The following NKX2-5 variants were observed in gnomAD, a reference collection of about 807,000 sequenced individuals.
NKX2-5 encodes the protein homeobox protein Nkx-2.5.
Under a neutral mutation model 24.5 loss-of-function variants are expected in NKX2-5, and 3 were observed. That is an observed-to-expected ratio of 0.12 (90% CI 0.06 to 0.32). The LOEUF (loss-of-function observed/expected upper bound fraction) is 0.32. Among genes scored for constraint, NKX2-5 ranks in the 10% least tolerant of loss-of-function variants. The pLI is 1.00. For synonymous variants in NKX2-5, 215 were observed against 217.6 expected (o/e 0.99, Z 0.11); for missense variants, 429 against 452.4 (o/e 0.95, Z 0.47).
Position 173,233,528 on chromosome 5 carries a change from A to T in NKX2-5, c.335-319T>A, listed in dbSNP as rs762333634. 2.2e-3 allele frequency: 1,960 copies of T among 897,380 alleles called. 31 individuals are homozygous for T. Among genetic ancestry groups the T allele is most frequent in the Middle Eastern group, 3.3e-3 (10 of 3,066 alleles). The allele number at this position is 897,380 out of a possible 1,614,324, so 55.6% of individuals were successfully genotyped here. On this transcript the variant is annotated intron_variant, in intron 1 of 1. Coordinates refer to ENST00000329198, the MANE Select transcript of NKX2-5 (RefSeq NM_004387.4). ...TGCAAAAAAAAAAAAAATAAATAAA[A>T]AAATAAAAAAATAAAAATAAAACCA...
intron 1 of NKX2-5, chr5:173,233,520 T>TAA (rs766931455): frequency 1.8e-5 from 9 of 494,420 alleles, no homozygotes; most frequent in African/African-American, 1.6e-4. Flanking sequence ...AAAAAAAAAA[T>TAA]AAATAAAAAA....
At position 173,234,786 on chromosome 5, in the gene NKX2-5, G is replaced by C. The variant is rs550046293; in HGVS notation, c.298C>G (p.Pro100Ala). ...PAFYPRAYSD[P>A]DPAKDPRAEK... ...GCTCTAGGGTCCTTGGCTGGGTCGG[G>C]GTCGCTGTAGGCACGTGGATAGAAG... Residue 100 changes from proline (P) to alanine (A), a missense_variant, in exon 1 of 2, where the codon CCC becomes GCC. By Grantham distance (27) the Pro-to-Ala change is conservative (BLOSUM62 -1). Coordinates refer to ENST00000329198, the MANE Select transcript of NKX2-5 (RefSeq NM_004387.4). 5.8e-5 allele frequency: 91 copies of C among 1,570,500 alleles called. 3 individuals are homozygous for C. The South Asian group carries it at 9.0e-4, about 16-fold the overall frequency.
chr5:173,235,001 G>A lies in NKX2-5; in HGVS notation c.83C>T (p.Ala28Val). The A allele has an allele frequency of 6.2e-7, 1 of 1,612,234 alleles. No homozygotes were observed. The highest frequency in any genetic ancestry group is 8.5e-7 in the Non-Finnish European group (1 of 1,179,618). Reference protein sequence around the residue: ...LNLEQQQRSLAAAGELSARLE... With the variant: ...LNLEQQQRSLVAAGELSARLE... ...GCGGGCAGAGAGCTCTCCGGCGGCAGCCAGGCTGCGCTGCTGCTGTTCCAG... is the reference window on the plus strand; with the variant it reads ...GCGGGCAGAGAGCTCTCCGGCGGCAACCAGGCTGCGCTGCTGCTGTTCCAG... Residue 28 changes from alanine to valine, a missense_variant, in exon 1 of 2, where the codon GCT becomes GTT. Coordinates refer to ENST00000329198, the MANE Select transcript of NKX2-5 (RefSeq NM_004387.4).
chr5:173,233,499 A>C, intron 1 of NKX2-5: 4 of 862,330 alleles, frequency 4.6e-6, no homozygotes, highest in Non-Finnish European at 7.1e-6. Context: ...TTAAAATTTC[A>C]GGCTGCAAAA....
In NKX2-5 at chr5:173,234,820, G is replaced by A; in HGVS notation, c.264C>T (p.Ala88=). The A allele has an allele frequency of 1.3e-6, 2 of 1,584,904 alleles. No homozygotes were observed. The highest frequency in any genetic ancestry group is 1.7e-6 in the Non-Finnish European group (2 of 1,167,462). The stretch of plus-strand genomic sequence containing the variant: ...AGGCACGTGGATAGAAGGCGGGGGC[G>A]GCGGGAAAGGCAGACGCACACTTGG... ...SPAKCASAFP[A]APAFYPRAYS... Residue 88 remains alanine, a synonymous_variant, in exon 1 of 2, where the codon GCC becomes GCT. Transcript: ENST00000329198.
At position 173,232,918 on chromosome 5, in the gene NKX2-5, G is replaced by C. The variant is rs1267723705; in HGVS notation, c.626C>G (p.Pro209Arg). ...DQTLELVGLP[P>R]PPPPPARRIA... ...CCTGCGGGCAGGCGGCGGCGGCGGC[G>C]GGGGCAGCCCCACCAGCTCCAGAGT... is the stretch of plus-strand genomic sequence containing the variant. Residue 209 changes from proline (P) to arginine (R), a missense_variant, in exon 2 of 2, where the codon CCG (proline) becomes CGG (arginine). Around this residue, in one of 3 missense-constraint regions of NKX2-5, gnomAD observed 183 missense variants for 185.9 expected, o/e 0.98. Coordinates refer to ENST00000329198, the MANE Select transcript of NKX2-5 (RefSeq NM_004387.4). This position sits in a 1 kb window ranked among gnomAD's most constrained non-coding sequence, Gnocchi z 5.9. 6 of 1,603,710 alleles carry C rather than the reference G, an allele frequency of 3.7e-6. No individual in the cohort carries two copies. The highest frequency in any genetic ancestry group is 4.3e-6 in the Non-Finnish European group (5 of 1,176,030).
At chr5:173,233,533 A>T (rs1561620345) in intron 1 of NKX2-5, 2 of 949,722 alleles carry the variant, frequency 2.1e-6, no homozygotes, top group Non-Finnish European at 3.1e-6. Flanking sequence ...ATAAAAAAAT[A>T]AAAAAATAAA....
chr5:173,232,955 G>C lies in NKX2-5; in HGVS notation c.589C>G (p.Arg197Gly). Residue 197 changes from arginine (R) to glycine (G), a missense_variant, in exon 2 of 2, where the codon CGG (arginine) becomes GGG (glycine). This residue lies in a region of NKX2-5 where 183 missense variants were observed against 185.9 expected (regional missense o/e 0.98). Transcript: ENST00000329198. This position sits in a 1 kb window ranked among gnomAD's most constrained non-coding sequence, Gnocchi z 5.9. ...ACCAGCTCCAGAGTCTGGTCCTGCC[G>C]CTGCCGCTTGCACTTGTAGCGCCGG... is the stretch of plus-strand genomic sequence containing the variant. ...QNRRYKCKRQ[R>G]QDQTLELVGL... 6.2e-7 allele frequency: 1 copy of C among 1,608,508 alleles called. No homozygotes were observed. Among genetic ancestry groups the C allele is most frequent in the Non-Finnish European group, 8.5e-7 (1 of 1,178,020 alleles).
chr5:173,233,932 C>G (rs146023623), intron 1 of NKX2-5: 3 of 1,185,220 alleles, frequency 2.5e-6, no homozygotes, highest in Non-Finnish European at 3.2e-6. Flanking sequence ...TGCGGCCTCC[C>G]GGGAATCGCC....
At chr5:173,233,440 C>A (rs2113902819) in intron 1 of NKX2-5, 1 of 1,530,784 alleles carries the variant, frequency 6.5e-7, no homozygotes, top group Admixed American at 2.0e-5. Context: ...AACGGGAGGT[C>A]TCTGCCCTCG....
In NKX2-5 at chr5:173,234,993, C is replaced by G; in HGVS notation, c.91G>C (p.Gly31Arg). The G allele has an allele frequency of 6.2e-7, 1 of 1,612,120 alleles. No individual in the cohort carries two copies. The highest frequency in any genetic ancestry group is 8.5e-7 in the Non-Finnish European group (1 of 1,179,600). The change falls in exon 1 of 2, where the codon GGA (glycine) becomes CGA (arginine). Residue 31 changes from glycine to arginine, a missense_variant. Around this residue, in one of 3 missense-constraint regions of NKX2-5, gnomAD observed 240 missense variants for 240.4 expected, o/e 1.00. Coordinates refer to ENST00000329198, the MANE Select transcript of NKX2-5 (RefSeq NM_004387.4). ...GCCTCCAGGCGGGCAGAGAGCTCTC[C>G]GGCGGCAGCCAGGCTGCGCTGCTGC... Reference protein sequence around the residue: ...EQQQRSLAAAGELSARLEATL... With the variant: ...EQQQRSLAAARELSARLEATL...
chr5:173,234,790 G>T lies in NKX2-5; in HGVS notation c.294C>A (p.Ser98Arg), dbSNP rs1394343969. ...AAPAFYPRAY[S>R]DPDPAKDPRA... is the part of the protein sequence containing the mutation. ...TAGGGTCCTTGGCTGGGTCGGGGTC[G>T]CTGTAGGCACGTGGATAGAAGGCGG... is the stretch of plus-strand genomic sequence containing the variant. The change falls in exon 1 of 2, where the codon AGC becomes AGA. Residue 98 changes from serine (S) to arginine (R), a missense_variant. By Grantham distance (110) the Ser-to-Arg change is moderately radical. Coordinates refer to ENST00000329198, the MANE Select transcript of NKX2-5 (RefSeq NM_004387.4). The T allele has an allele frequency of 2.5e-6, 4 of 1,570,926 alleles. No individual in the cohort carries two copies. Among genetic ancestry groups the T allele is most frequent in the Non-Finnish European group, 3.4e-6 (4 of 1,161,598 alleles).
At chr5:173,233,525 A>AAAAAT in intron 1 of NKX2-5, 1 of 854,634 alleles carries the variant, frequency 1.2e-6, no homozygotes, top group Non-Finnish European at 1.8e-6. Flanking sequence ...AAAAATAAAT[A>AAAAAT]AAAAAATAAA....
chr5:173,234,750 CT>C lies in NKX2-5; in HGVS notation c.333del (p.Glu112SerfsTer64). The C allele has an allele frequency of 1.3e-6, 2 of 1,519,264 alleles. No homozygotes were observed. The highest frequency in any genetic ancestry group is 1.8e-6 in the Non-Finnish European group (2 of 1,136,580). The allele number at this position is 1,519,264 out of a possible 1,614,324, so 94.1% of individuals were successfully genotyped here. On this transcript the variant is annotated frameshift_variant and splice_region_variant, in exon 1 of 2. Coordinates refer to ENST00000329198, the MANE Select transcript of NKX2-5 (RefSeq NM_004387.4). LOFTEE classifies it high-confidence loss of function. Reference protein sequence around the residue: ...DPAKDPRAEKKELCALQKAVE... With the variant: ...DPAKDPRAEKXELCALQKAVE... ...AAGGGGGCCTGTGTTTCCTCCTCAC[CT>C]TTCTTTTCGGCTCTAGGGTCCTTGG...
chr5:173,232,645 A>G lies in NKX2-5; in HGVS notation c.899T>C (p.Leu300Ser). The change falls in exon 2 of 2, where the codon TTG becomes TCG. Residue 300 changes from leucine to serine, a missense_variant. Around this residue, in one of 3 missense-constraint regions of NKX2-5, gnomAD observed 183 missense variants for 185.9 expected, o/e 0.98. Transcript: ENST00000329198. This position sits in a 1 kb window ranked among gnomAD's most constrained non-coding sequence, Gnocchi z 5.9. Reference sequence around the variant, plus strand: ...AATCCCGGGGCTCTGAACCGCATTCAAGTCCCCGACGCCGAAGTTCACGAA... The same window carrying G: ...AATCCCGGGGCTCTGAACCGCATTCGAGTCCCCGACGCCGAAGTTCACGAA... ...NNFVNFGVGD[L>S]NAVQSPGIPQ... The G allele has an allele frequency of 6.2e-7, 1 of 1,613,208 alleles. No homozygotes were observed. Among genetic ancestry groups the G allele is most frequent in the African/African-American group, 1.3e-5 (1 of 75,062 alleles).
At chr5:173,234,701 G>C in intron 1 of NKX2-5, 49 bp downstream of exon 1, 1 of 1,435,670 alleles carries the variant, frequency 7.0e-7, no homozygotes, top group Non-Finnish European at 9.2e-7. Context: ...GTTTCTTGGG[G>C]ACGAAAGCGA....
chr5:173,233,504 G>GAAAA, intron 1 of NKX2-5: 3 of 583,556 alleles, frequency 5.1e-6, no homozygotes, highest in South Asian at 3.1e-5. Flanking sequence ...ATTTCAGGCT[G>GAAAA]CAAAAAAAAA....
chr5:173,233,524 TAAA>T, intron 1 of NKX2-5: 9 of 568,956 alleles, frequency 1.6e-5, no homozygotes, highest in South Asian at 9.2e-5. Flanking sequence ...AAAAAATAAA[TAAA>T]AAAATAAAAA....
Position 173,235,163 on chromosome 5 carries a change from G to A in NKX2-5, c.-80C>T, listed in dbSNP as rs1761451373. 7.1e-7 allele frequency: 1 copy of A among 1,417,866 alleles called. No individual in the cohort carries two copies. Among genetic ancestry groups the A allele is most frequent in the South Asian group, 1.4e-5 (1 of 72,098 alleles). 87.8% of individuals were successfully genotyped at this position (1,417,866 alleles called of 1,614,324 possible). A position where few individuals can be genotyped will look rare whatever the true frequency, so the allele number is the denominator to read the frequency against. ...ACGGCCCCTGGCAGCTTCCCTGCAT[G>A]GTGCCGCCGCCCGCCCGCGCACCCG... On this transcript the variant is annotated 5_prime_UTR_variant, in exon 1 of 2. Transcript: ENST00000329198.
Sources: gnomAD v4.1 joint callset for allele counts on GRCh38, gnomAD v4.1.1 for gene constraint, gnomAD v4.1.1 regional missense constraint, Gnocchi (gnomAD v3.1) non-coding constraint, MANE v1.5 for transcripts, NCBI Gene and HGNC (gene_info 2026-07-23, HGNC 2026-07-21) for gene names.